Variants in PCDHGB1 observed in about 807,000 individuals in gnomAD.
PCDHGB1 encodes the protein protocadherin gamma subfamily B, 1.
In PCDHGB1, 34 loss-of-function variants were observed where a neutral mutation model predicts 56.6. The observed-to-expected ratio is 0.60, with a 90% CI of 0.46 to 0.80. PCDHGB1 has a LOEUF of 0.80. Among genes scored for constraint, PCDHGB1 ranks in the 30% least tolerant of loss-of-function variants. PCDHGB1 has a pLI of 0.00. For synonymous variants in PCDHGB1, 561 were observed against 505.9 expected, an observed-to-expected ratio of 1.11 and a Z score of -1.46; for missense variants, 1,278 against 1,204.6, an observed-to-expected ratio of 1.06 and a Z score of -0.90.
chr5:141,365,656 A>G (rs923075599), intron 1 of PCDHGB1: 1 of 1,613,518 alleles, frequency 6.2e-7, no homozygotes, highest in Admixed American at 1.7e-5. Flanking sequence ...CCTTGAAAGT[A>G]GCAGACGTTA....
intron 1 of PCDHGB1, chr5:141,376,312 G>A (rs984837472): frequency 6.2e-7 from 1 of 1,614,060 alleles, no homozygotes; most frequent in African/African-American, 1.3e-5. Flanking sequence ...TTGTGGGCGT[G>A]GAAGGGGTTC....
intron 1 of PCDHGB1, chr5:141,389,596 C>A: frequency 6.2e-7 from 1 of 1,613,132 alleles, no homozygotes; most frequent in Non-Finnish European, 8.5e-7. Context: ...GACGGCTCTG[C>A]GCTCTTCGAT....
intron 1 of PCDHGB1, chr5:141,390,018 C>A: frequency 2.5e-6 from 4 of 1,614,062 alleles, no homozygotes; most frequent in Non-Finnish European, 3.4e-6. Context: ...CATTGCCTTG[C>A]GCCTGCGACG....
chr5:141,480,607 C>T (rs2099522175), intron 1 of PCDHGB1, among the ~76,000 whole-genome samples: 1 of 145,670 alleles, frequency 6.9e-6, no homozygotes, highest in Admixed American at 6.8e-5. Context: ...GCCTGGAAAG[C>T]AACTGGCATT....
rs146569254 is a variant in PCDHGB1 at position 141,351,100 on chromosome 5, T to C, written c.840T>C (p.Asn280=). The C allele has an allele frequency of 6.9e-4, 1,108 of 1,614,070 alleles. 2 individuals carry two copies. In the Middle Eastern group the frequency reaches 0.017, roughly 25 times the overall value. ...CAGAGATCACCTATGCCTTCCTCAA[T>C]TCCCCAATAAGTACCAGCCTCTTCA... ...INAEITYAFL[N]SPISTSLFNL... is the part of the protein sequence containing the mutation. The change falls in exon 1 of 4, where the codon AAT becomes AAC. Residue 280 remains asparagine, a synonymous_variant. Transcript: ENST00000523390.
rs2099623095 is a variant in PCDHGB1 at position 141,486,025 on chromosome 5, T to C, written c.2410-8782T>C. 1 of 1,613,958 alleles carries C rather than the reference T, an allele frequency of 6.2e-7. No individual in the cohort carries two copies. The highest frequency in any genetic ancestry group is 8.5e-7 in the Non-Finnish European group (1 of 1,179,932). The stretch of plus-strand genomic sequence containing the variant: ...ACGTCACCTTTTATTTCAGTGGTCA[T>C]ACCCCTGATCGTGTAAGAAACCTCT... On this transcript the variant is annotated intron_variant, in intron 1 of 3. Transcript: ENST00000523390. The surrounding 1 kb of genome is among the most constrained non-coding windows in gnomAD (Gnocchi z 5.0).
intron 1 of PCDHGB1, among the ~76,000 whole-genome samples, chr5:141,447,978 C>T (rs759162070): frequency 1.1e-4 from 17 of 151,694 alleles, no homozygotes; most frequent in East Asian, 3.9e-4. Flanking sequence ...CCCAGCTACT[C>T]GGGAGGCTGA....
intron 1 of PCDHGB1, among the ~76,000 whole-genome samples, chr5:141,453,261 A>G (rs1387512741): frequency 6.6e-6 from 1 of 152,028 alleles, no homozygotes; most frequent in Non-Finnish European, 1.5e-5. Context: ...CTGCAAGTGC[A>G]CACCACCATG....
At position 141,379,889 on chromosome 5, in the gene PCDHGB1, C is replaced by CTTTTTTTTTTTTT. The variant is rs70988800; in HGVS notation, c.2409+27238_2409+27250dup. Among the ~76,000 whole-genome samples, 110 of 50,830 alleles carry CTTTTTTTTTTTTT rather than the reference C, an allele frequency of 2.2e-3. 13 individuals carry two copies. Among genetic ancestry groups the CTTTTTTTTTTTTT allele is most frequent in the African/African-American group, 3.3e-3 (50 of 15,082 alleles). 33.3% of individuals were successfully genotyped at this position (50,830 alleles called of 152,430 possible). ...CTTATTTTATGGTCTGTGAAAGCCTCTTTTTTTTTTTTTTTTTTTTTTTTT... is the reference window on the plus strand; with the variant it reads ...CTTATTTTATGGTCTGTGAAAGCCTCTTTTTTTTTTTTTTTTTTTTTTTTTTTTTTTTTTTTTT... On this transcript the variant is annotated intron_variant, in intron 1 of 3. Transcript: ENST00000523390.
chr5:141,389,814 G>T, intron 1 of PCDHGB1: 3 of 1,613,868 alleles, frequency 1.9e-6, no homozygotes, highest in Non-Finnish European at 2.5e-6. Flanking sequence ...TCTGGTCGCC[G>T]TGCGTGACGG....
At chr5:141,427,966 T>C (rs1458559803) in intron 1 of PCDHGB1, 10 of 1,590,764 alleles carry the variant, frequency 6.3e-6, no homozygotes, top group African/African-American at 1.3e-5. Flanking sequence ...CCGCGGGTGC[T>C]GTACCCCGCG....
In PCDHGB1 at chr5:141,486,030, C is replaced by T. The variant is rs2099623234; in HGVS notation, c.2410-8777C>T. 2 of 1,614,046 alleles carry T rather than the reference C, an allele frequency of 1.2e-6. No homozygotes were observed. Among genetic ancestry groups the T allele is most frequent in the African/African-American group, 1.3e-5 (1 of 74,918 alleles). On this transcript the variant is annotated intron_variant, in intron 1 of 3. Coordinates refer to ENST00000523390, the MANE Select transcript of PCDHGB1 (RefSeq NM_018922.3). This position sits in a 1 kb window ranked among gnomAD's most constrained non-coding sequence, Gnocchi z 5.0. ...ACCTTTTATTTCAGTGGTCATACCC[C>T]TGATCGTGTAAGAAACCTCTTTAGC...
At chr5:141,388,811 A>C (rs375009380) in intron 1 of PCDHGB1, 21 of 1,613,866 alleles carry the variant, frequency 1.3e-5, no homozygotes, top group Non-Finnish European at 1.6e-5. Context: ...ATTTTGAAGA[A>C]GTCAAAGAAT....
At position 141,491,561 on chromosome 5, in the gene PCDHGB1, A is replaced by C. The variant is rs1289732955; in HGVS notation, c.2410-3246A>C. The C allele has an allele frequency of 1.2e-6, 2 of 1,613,938 alleles. No homozygotes were observed. Among genetic ancestry groups the C allele is most frequent in the Admixed American group, 3.3e-5 (2 of 60,016 alleles). On this transcript the variant is annotated intron_variant, in intron 1 of 3. Transcript: ENST00000523390. This position sits in a 1 kb window ranked among gnomAD's most constrained non-coding sequence, Gnocchi z 6.9. ...CCCACAGACTCGCAGAGCCACTGCT[A>C]CAGGACGTGCTTTTCACCGGCCTCG...
intron 1 of PCDHGB1, among the ~76,000 whole-genome samples, chr5:141,447,285 A>G (rs143024915): frequency 0.046 from 7,013 of 152,060 alleles, 241 homozygotes; most frequent in African/African-American, 0.093. Context: ...GACTACAGGC[A>G]CATGCCACCA....
rs1203060261 is a variant in PCDHGB1, at chr5:141,493,037, AG to A, written c.2410-1768del. 3.3e-5 allele frequency among the ~76,000 whole-genome samples: 5 copies of A among 152,252 alleles called. No individual in the cohort carries two copies. The highest frequency in any genetic ancestry group is 2.6e-4 in the Admixed American group (4 of 15,290). ...AGATGCCAGGGTGCCCTTATGTGTG[AG>A]GAAACTACAATAGTAAAAAACACAA... is the stretch of plus-strand genomic sequence containing the variant. On this transcript the variant is annotated intron_variant, in intron 1 of 3. Transcript: ENST00000523390. This position sits in a 1 kb window ranked among gnomAD's most constrained non-coding sequence, Gnocchi z 4.3.
chr5:141,384,903 C>T (rs1780641689), intron 1 of PCDHGB1: 1 of 1,613,992 alleles, frequency 6.2e-7, no homozygotes. Context: ...CTGACAGCAT[C>T]CCCGAAGTCT....
chr5:141,466,206 T>C (rs2099118813), intron 1 of PCDHGB1, among the ~76,000 whole-genome samples: 1 of 152,126 alleles, frequency 6.6e-6, no homozygotes, highest in Admixed American at 6.5e-5. Flanking sequence ...AGCCTTGCTC[T>C]GTTACCCAGG....
At chr5:141,355,408 G>A (rs543235054) in intron 1 of PCDHGB1, 3 of 1,614,114 alleles carry the variant, frequency 1.9e-6, no homozygotes, top group South Asian at 1.1e-5. Flanking sequence ...CGTCTCCAGA[G>A]GTAGGACGCA....
Sources: gnomAD v4.1 joint callset for allele counts (sites outside exome capture counted in the v4.1 genomes callset) on GRCh38, gnomAD v4.1.1 for gene constraint, Gnocchi (gnomAD v3.1) non-coding constraint, MANE v1.5 for transcripts, NCBI Gene and HGNC (gene_info 2026-07-23, HGNC 2026-07-21) for gene names.